The following NELL2 variants were observed in gnomAD, a reference collection of about 807,000 sequenced individuals.
The protein encoded by NELL2 is protein kinase C-binding protein NELL2.
NELL2 carries 41 observed loss-of-function variants against 109.6 expected under a neutral mutation model. The observed-to-expected ratio is 0.37, with a 90% CI of 0.29 to 0.49. The LOEUF (loss-of-function observed/expected upper bound fraction) is 0.49, where lower values mean the gene tolerates loss of function less well. NELL2 is among the 20% of genes least tolerant of loss of function. NELL2 has a pLI of 0.98. For synonymous variants in NELL2, 355 were observed against 344.7 expected (o/e 1.03, Z -0.33); for missense variants, 900 against 1,008.3 (o/e 0.89, Z 1.45).
At chr12:44,784,015 A>G (rs1403439417) in intron 3 of NELL2, among the ~76,000 whole-genome samples, 1 of 152,136 alleles carries the variant, frequency 6.6e-6, no homozygotes, top group African/African-American at 2.4e-5. Flanking sequence ...AGTCTGGTTC[A>G]ATATTTGAAA....
chr12:44,516,648 G>A (rs1462284366), intron 19 of NELL2, among the ~76,000 whole-genome samples: 4 of 151,898 alleles, frequency 2.6e-5, no homozygotes, highest in Admixed American at 6.6e-5. Flanking sequence ...TTTATTTATG[G>A]GGGAAATAAT....
chr12:44,640,535 G>C (rs1162265032), intron 13 of NELL2, among the ~76,000 whole-genome samples: 1 of 152,114 alleles, frequency 6.6e-6, no homozygotes, highest in Non-Finnish European at 1.5e-5. Flanking sequence ...AAATCAATAT[G>C]CATGTGATCA....
At chr12:44,627,971 C>T (rs530480922) in intron 13 of NELL2, among the ~76,000 whole-genome samples, 2 of 152,256 alleles carry the variant, frequency 1.3e-5, no homozygotes, top group South Asian at 2.1e-4. Flanking sequence ...CTAATCATAT[C>T]CTTATTGGAT....
intron 12 of NELL2, among the ~76,000 whole-genome samples, chr12:44,692,453 A>T (rs1258444420): frequency 6.6e-6 from 1 of 152,168 alleles, no homozygotes; most frequent in Non-Finnish European, 1.5e-5. Context: ...GGCTGCTAAC[A>T]CTACATCCAT....
At chr12:44,515,577 A>T (rs535536727) in intron 19 of NELL2, among the ~76,000 whole-genome samples, 1 of 151,950 alleles carries the variant, frequency 6.6e-6, no homozygotes, top group East Asian at 1.9e-4. Context: ...TGATTTATCA[A>T]ACTCATCAAA....
intron 15 of NELL2, among the ~76,000 whole-genome samples, chr12:44,554,850 C>T (rs1221665562): frequency 6.6e-6 from 1 of 152,122 alleles, no homozygotes; most frequent in Non-Finnish European, 1.5e-5. Flanking sequence ...TGGTGTGAAG[C>T]AAGACTGTGT....
chr12:44,614,325 G>T (rs775383498), intron 13 of NELL2, among the ~76,000 whole-genome samples: 10 of 151,760 alleles, frequency 6.6e-5, no homozygotes, highest in Non-Finnish European at 1.2e-4. Context: ...AATGAAAAAA[G>T]AAAAATATAT....
chr12:44,720,812 C>T (rs1456114485), intron 9 of NELL2, among the ~76,000 whole-genome samples: 3 of 152,116 alleles, frequency 2.0e-5, no homozygotes, highest in South Asian at 2.1e-4. Context: ...GAAGTGAGAT[C>T]TTGATAGTAG....
rs141878250 is a variant in NELL2 at position 44,749,837 on chromosome 12, A to C, written c.994+24910T>G. Reference sequence around the variant, plus strand: ...TAAAAAGAAACAGACACAATGTAAGAAGCACTATCTTGTGCACTACGTAAA... The same window carrying C: ...TAAAAAGAAACAGACACAATGTAAGCAGCACTATCTTGTGCACTACGTAAA... On this transcript the variant is annotated intron_variant, in intron 9 of 19. Transcript: ENST00000429094. Among the ~76,000 whole-genome samples, 625 of 152,286 alleles carry C rather than the reference A, an allele frequency of 4.1e-3. 5 individuals carry two copies. The highest frequency in any genetic ancestry group is 0.014 in the African/African-American group (592 of 41,568).
intron 15 of NELL2, among the ~76,000 whole-genome samples, chr12:44,565,921 CT>C (rs1461512847): frequency 1.3e-5 from 2 of 152,132 alleles, no homozygotes; most frequent in East Asian, 3.9e-4. Context: ...TAGACTTTAT[CT>C]CCTAATAGGG....
At chr12:44,918,923 C>T (rs1344601632), upstream of NELL2, among the ~76,000 whole-genome samples, 1 of 152,126 alleles carries the variant, frequency 6.6e-6, no homozygotes, top group Non-Finnish European at 1.5e-5. Context: ...GTTTTCCCCT[C>T]TTATTGAGGA....
intron 10 of NELL2, among the ~76,000 whole-genome samples, chr12:44,713,377 A>C (rs954124776): frequency 1.3e-5 from 2 of 151,820 alleles, no homozygotes; most frequent in African/African-American, 4.8e-5. Context: ...CCTTGAAGTA[A>C]CTTCTCTGAG....
intron 1 of NELL2, among the ~76,000 whole-genome samples, chr12:44,900,522 T>C (rs1382909552): frequency 6.6e-6 from 1 of 151,980 alleles, no homozygotes; most frequent in Non-Finnish European, 1.5e-5. Context: ...ACTGGTTAAA[T>C]AACAAAATTA....
At chr12:44,891,161 T>C (rs922047672) in intron 1 of NELL2, among the ~76,000 whole-genome samples, 3 of 152,148 alleles carry the variant, frequency 2.0e-5, no homozygotes. Context: ...CCTTCTGAGG[T>C]GTTCTTCACT....
chr12:44,650,166 C>T, intron 13 of NELL2, among the ~76,000 whole-genome samples: 1 of 152,204 alleles, frequency 6.6e-6, no homozygotes, highest in Middle Eastern at 3.4e-3. Flanking sequence ...ACATTTTATT[C>T]TTATAATATC....
intron 12 of NELL2, among the ~76,000 whole-genome samples, chr12:44,667,525 A>T (rs543924610): frequency 2.0e-5 from 3 of 152,356 alleles, no homozygotes; most frequent in South Asian, 2.1e-4. Flanking sequence ...CTCACAGGTC[A>T]TAAGTTGATG....
chr12:44,658,806 G>C (rs1409388025), intron 13 of NELL2, among the ~76,000 whole-genome samples: 1 of 148,878 alleles, frequency 6.7e-6, no homozygotes, highest in African/African-American at 2.5e-5. Flanking sequence ...AACCCTGGGG[G>C]CTGGAGCCTG....
At chr12:44,838,913 T>G (rs1232382763) in intron 2 of NELL2, among the ~76,000 whole-genome samples, 1 of 152,210 alleles carries the variant, frequency 6.6e-6, no homozygotes, top group Non-Finnish European at 1.5e-5. Flanking sequence ...GTTCATCAGC[T>G]AAGTGAGAAT....
intron 13 of NELL2, among the ~76,000 whole-genome samples, chr12:44,641,771 A>G (rs1413874433): frequency 7.6e-6 from 1 of 130,746 alleles, no homozygotes; most frequent in East Asian, 2.3e-4. Flanking sequence ...ATCTCGGCTC[A>G]CTGCAACCTC....
Sources: allele counts gnomAD v4.1 joint callset (sites outside exome capture counted in the v4.1 genomes callset), GRCh38; gene constraint gnomAD v4.1.1; transcripts MANE v1.5; gene names NCBI Gene and HGNC (gene_info 2026-07-23, HGNC 2026-07-21).